The following SLC35D4 variants were observed in gnomAD, a reference collection of about 807,000 sequenced individuals.
The protein encoded by SLC35D4 is solute carrier family 35 member D4.
the SLC35D4 span, among the ~76,000 whole-genome samples, chr18:23,312,963 T>TA: frequency 7.9e-4 from 120 of 151,212 alleles, no homozygotes; most frequent in African/African-American, 2.8e-3. Flanking sequence ...CCGTCTCTAC[T>TA]AAAAATACAA....
chr18:23,272,865 G>T, the SLC35D4 span, among the ~76,000 whole-genome samples: 2 of 152,206 alleles, frequency 1.3e-5, no homozygotes, highest in African/African-American at 4.8e-5. Context: ...ACCCTCTGCA[G>T]TTTCCACCAA....
the SLC35D4 span, among the ~76,000 whole-genome samples, chr18:23,427,766 A>C: frequency 6.6e-6 from 1 of 151,932 alleles, no homozygotes; most frequent in Non-Finnish European, 1.5e-5. Flanking sequence ...CTTGGAACCA[A>C]CCCAAATGTC....
the SLC35D4 span, among the ~76,000 whole-genome samples, chr18:23,326,481 C>T: frequency 6.6e-6 from 1 of 152,178 alleles, no homozygotes; most frequent in Non-Finnish European, 1.5e-5. Context: ...GTAAAGGGAT[C>T]AATTCAACAA....
At chr18:23,297,805 T>G in the SLC35D4 span, 2 of 572,154 alleles carry the variant, frequency 3.5e-6, no homozygotes, top group East Asian at 6.3e-5. Context: ...AGGGTGCTCC[T>G]TGAAGCACCA....
At chr18:23,432,407 G>A in the SLC35D4 span, among the ~76,000 whole-genome samples, 2 of 152,212 alleles carry the variant, frequency 1.3e-5, no homozygotes, top group Non-Finnish European at 2.9e-5. Context: ...GGAGCCCCAT[G>A]CGCGGTGGCT....
At chr18:23,429,058 T>C in the SLC35D4 span, among the ~76,000 whole-genome samples, 2 of 152,264 alleles carry the variant, frequency 1.3e-5, no homozygotes, top group Non-Finnish European at 2.9e-5. Flanking sequence ...CCATGGTATA[T>C]ATATACACCA....
At chr18:23,322,771 C>T in the SLC35D4 span, among the ~76,000 whole-genome samples, 3 of 152,280 alleles carry the variant, frequency 2.0e-5, no homozygotes, top group African/African-American at 4.8e-5. Context: ...TAATAAAAGG[C>T]GAAGTAATGT....
At chr18:23,337,191 A>G in the SLC35D4 span, among the ~76,000 whole-genome samples, 1 of 150,298 alleles carries the variant, frequency 6.7e-6, no homozygotes, top group African/African-American at 2.5e-5. Flanking sequence ...TACATTATTT[A>G]GGCCGGGCGC....
chr18:23,361,804 G>A, the SLC35D4 span, among the ~76,000 whole-genome samples: 1 of 152,114 alleles, frequency 6.6e-6, no homozygotes, highest in African/African-American at 2.4e-5. Context: ...TATCCCTTCC[G>A]GCATAATTAA....
chr18:23,252,861 T>C, the SLC35D4 span: 1 of 745,228 alleles, frequency 1.3e-6, no homozygotes, highest in Non-Finnish European at 2.3e-6. Context: ...TTCCCGTTGC[T>C]CATGGCTTTG....
chr18:23,243,034 TAA>T, the SLC35D4 span, among the ~76,000 whole-genome samples: 5 of 150,252 alleles, frequency 3.3e-5, no homozygotes, highest in African/African-American at 1.2e-4. Flanking sequence ...TAAATATAGA[TAA>T]GTTATAATTT....
the SLC35D4 span, chr18:23,310,162 G>T: frequency 1.0e-6 from 1 of 964,274 alleles, no homozygotes; most frequent in Non-Finnish European, 1.2e-6. Flanking sequence ...GGATCCTCCA[G>T]ATAAAAACTT....
the SLC35D4 span, among the ~76,000 whole-genome samples, chr18:23,395,071 A>G: frequency 5.3e-5 from 8 of 151,266 alleles, no homozygotes; most frequent in Non-Finnish European, 1.0e-4. Context: ...TCCAGGGAGG[A>G]GTTTACTGTA....
At chr18:23,338,358 C>T in the SLC35D4 span, among the ~76,000 whole-genome samples, 2 of 152,086 alleles carry the variant, frequency 1.3e-5, no homozygotes, top group East Asian at 1.9e-4. Flanking sequence ...AATTCAGACC[C>T]AGGAAATCAC....
chr18:23,384,003 G>GC, the SLC35D4 span, among the ~76,000 whole-genome samples: 3 of 127,010 alleles, frequency 2.4e-5, no homozygotes, highest in Admixed American at 2.3e-4. Context: ...CCAAAAATTG[G>GC]GGGGGGGGGG....
At chr18:23,419,518 C>G in the SLC35D4 span, among the ~76,000 whole-genome samples, 1 of 152,096 alleles carries the variant, frequency 6.6e-6, no homozygotes, top group Non-Finnish European at 1.5e-5. Flanking sequence ...TCTCGAACTC[C>G]TGACCTCAAG....
At chr18:23,305,826 G>A in the SLC35D4 span, among the ~76,000 whole-genome samples, 1 of 152,150 alleles carries the variant, frequency 6.6e-6, no homozygotes, top group Non-Finnish European at 1.5e-5. Flanking sequence ...CTCAGGCAGG[G>A]CAATGAGCAT....
the SLC35D4 span, among the ~76,000 whole-genome samples, chr18:23,411,483 T>TAGAAAGAAAGAAAGAAAGAAAGAAAGAA: frequency 5.2e-4 from 48 of 91,810 alleles, 2 homozygotes; most frequent in East Asian, 1.7e-3. Flanking sequence ...AAGAAAGAGA[T>TAGAAAGAAAGAAAGAAAGAAAGAAAGAA]AGAAAGAAAG....
At chr18:23,244,863 C>T in the SLC35D4 span, among the ~76,000 whole-genome samples, 4 of 152,200 alleles carry the variant, frequency 2.6e-5, no homozygotes, top group Admixed American at 1.3e-4. Flanking sequence ...GCCGAGTGTA[C>T]GGCAAGCTCA....
Sources: allele counts gnomAD v4.1 joint callset (sites outside exome capture counted in the v4.1 genomes callset), GRCh38; gene constraint gnomAD v4.1.1; transcripts MANE v1.5; gene names NCBI Gene and HGNC (gene_info 2026-07-23, HGNC 2026-07-21).